The following SLC32A1 variants were observed in gnomAD, a reference collection of about 807,000 sequenced individuals.
SLC32A1 encodes vesicular inhibitory amino acid transporter.
Under a neutral mutation model 35.5 loss-of-function variants are expected in SLC32A1, and 8 were observed. The observed-to-expected ratio is 0.23, with a 90% CI of 0.13 to 0.41. SLC32A1 has a LOEUF of 0.41. SLC32A1 is among the 10% of genes least tolerant of loss of function. SLC32A1 has a pLI of 1.00. For missense variants in SLC32A1, 493 were observed against 722.3 expected (o/e 0.68, Z 3.64); for synonymous variants, 317 against 326.3 (o/e 0.97, Z 0.31).
At position 38,727,342 on chromosome 20, in the gene SLC32A1, G is replaced by A. The variant is rs1047105724; in HGVS notation, c.391-110G>A. ...CCCGGCGGCTCAGACCCAATTCTCA[G>A]TGTCCTTAGCGCCCCCTTCGGGCCA... On this transcript the variant is annotated intron_variant, in intron 1 of 1. Transcript: ENST00000217420. 3 of 1,041,232 alleles carry A rather than the reference G, an allele frequency of 2.9e-6. No individual in the cohort carries two copies. In the African/African-American group the frequency reaches 4.8e-5, roughly 17 times the overall value. 64.5% of individuals were successfully genotyped at this position (1,041,232 alleles called of 1,614,324 possible).
At chr20:38,725,611 C>A (rs900982042) in intron 1 of SLC32A1, among the ~76,000 whole-genome samples, 2 of 152,118 alleles carry the variant, frequency 1.3e-5, no homozygotes, top group African/African-American at 4.8e-5. Context: ...CCCCTTCCCA[C>A]GAACAAAGGC....
intron 1 of SLC32A1, among the ~76,000 whole-genome samples, chr20:38,727,046 C>T (rs768696609): frequency 6.6e-6 from 1 of 152,110 alleles, no homozygotes; most frequent in African/African-American, 2.4e-5. Context: ...TTTCCGACTA[C>T]GCTCCCTTCT....
In SLC32A1 at chr20:38,726,039, C is replaced by A. The variant is rs2084274795; in HGVS notation, c.390+925C>A. On this transcript the variant is annotated intron_variant, in intron 1 of 1. Coordinates refer to ENST00000217420, the MANE Select transcript of SLC32A1 (RefSeq NM_080552.3). This position sits in a 1 kb window ranked among gnomAD's most constrained non-coding sequence, Gnocchi z 4.7. ...ATGGCCCCTGCTCTCTAGGCCCTCT[C>A]CCCTTATTCCTAACCCCCCACTCCC... Among the ~76,000 whole-genome samples the A allele has an allele frequency of 6.6e-6, 1 of 152,196 alleles. No individual in the cohort carries two copies. Among genetic ancestry groups the A allele is most frequent in the Non-Finnish European group, 1.5e-5 (1 of 68,038 alleles).
At position 38,728,876 on chromosome 20, in the gene SLC32A1, A is replaced by T; in HGVS notation, c.*237A>T. 1 of 463,092 alleles carries T rather than the reference A, an allele frequency of 2.2e-6. No individual in the cohort carries two copies. Among genetic ancestry groups the T allele is most frequent in the East Asian group, 3.5e-5 (1 of 28,864 alleles). The allele number at this position is 463,092 out of a possible 1,614,324, so 28.7% of individuals were successfully genotyped here. A position where few individuals can be genotyped will look rare whatever the true frequency, so the allele number is the denominator to read the frequency against. On this transcript the variant is annotated 3_prime_UTR_variant, in exon 2 of 2. Coordinates refer to ENST00000217420, the MANE Select transcript of SLC32A1 (RefSeq NM_080552.3). The stretch of plus-strand genomic sequence containing the variant: ...TCCACAACACCCTGGTTTTGGGGGG[A>T]GGCGGGGTGCATTTGCGGGCAGGGT...
At position 38,724,503 on chromosome 20, in the gene SLC32A1, C is replaced by T. The variant is rs1171579558; in HGVS notation, c.-222C>T. 14 of 502,564 alleles carry T rather than the reference C, an allele frequency of 2.8e-5. No homozygotes were observed. Among genetic ancestry groups the T allele is most frequent in the Middle Eastern group, 5.5e-4 (1 of 1,824 alleles). The allele number at this position is 502,564 out of a possible 1,614,324, so 31.1% of individuals were successfully genotyped here. On this transcript the variant is annotated 5_prime_UTR_variant, in exon 1 of 2. Transcript: ENST00000217420. The stretch of plus-strand genomic sequence containing the variant: ...AGCTCCGCAGTGCACTAGCCACCAC[C>T]GCCGCCGCCGCCGCTCCGCCAGACC...
At chr20:38,727,393 C>A (rs928545741) in intron 1 of SLC32A1, 59 bp from the exon 2 acceptor site, 4 of 1,521,976 alleles carry the variant, frequency 2.6e-6, no homozygotes, top group Non-Finnish European at 2.7e-6. Context: ...CCCCCCGGGC[C>A]CCTCATCCGT....
Position 38,728,818 on chromosome 20 carries a change from C to A in SLC32A1, c.*179C>A. The A allele has an allele frequency of 4.9e-6, 3 of 608,032 alleles. No individual in the cohort carries two copies. 37.7% of individuals were successfully genotyped at this position (608,032 alleles called of 1,614,324 possible). On this transcript the variant is annotated 3_prime_UTR_variant, in exon 2 of 2. Transcript: ENST00000217420. The stretch of plus-strand genomic sequence containing the variant: ...ATGGGAGGGGACAGGGATTCACGAT[C>A]CATCGCGTCTGCGTTTCTGTTGTCC...
In SLC32A1 at chr20:38,727,799, C is replaced by T; in HGVS notation, c.738C>T (p.Ile246=). ...LPVSQKSWSI[I]ATAVLLPCAF... is the part of the protein sequence containing the mutation. Reference sequence around the variant, plus strand: ...TGTCGCAGAAGTCCTGGTCCATTATCGCCACGGCCGTGCTGCTGCCTTGCG... The same window carrying T: ...TGTCGCAGAAGTCCTGGTCCATTATTGCCACGGCCGTGCTGCTGCCTTGCG... The change falls in exon 2 of 2, where the codon ATC becomes ATT. Residue 246 remains isoleucine (I), a synonymous_variant. Coordinates refer to ENST00000217420, the MANE Select transcript of SLC32A1 (RefSeq NM_080552.3). The T allele has an allele frequency of 6.2e-7, 1 of 1,614,198 alleles. No homozygotes were observed. Among genetic ancestry groups the T allele is most frequent in the East Asian group, 2.2e-5 (1 of 44,880 alleles).
At position 38,724,619 on chromosome 20, in the gene SLC32A1, G is replaced by T; in HGVS notation, c.-106G>T. On this transcript the variant is annotated 5_prime_UTR_variant, in exon 1 of 2. Transcript: ENST00000217420. Reference sequence around the variant, plus strand: ...AGAGAGCCCCGGGGCGCCGCGCGGAGAGCAAGCGGAGATAGCGACTTTGCG... The same window carrying T: ...AGAGAGCCCCGGGGCGCCGCGCGGATAGCAAGCGGAGATAGCGACTTTGCG... 7.2e-7 allele frequency: 1 copy of T among 1,389,744 alleles called. No individual in the cohort carries two copies. The highest frequency in any genetic ancestry group is 9.6e-7 in the Non-Finnish European group (1 of 1,042,536). 86.1% of individuals were successfully genotyped at this position (1,389,744 alleles called of 1,614,324 possible). A position where few individuals can be genotyped will look rare whatever the true frequency, so the allele number is the denominator to read the frequency against.
rs1239298595 is a variant in SLC32A1, at chr20:38,726,231, C to G, written c.390+1117C>G. ...GGCCCCGCGGCGTCCCTGGAGCGCA[C>G]TATCACTGGGGCCACGGAAGGCAGG... is the stretch of plus-strand genomic sequence containing the variant. On this transcript the variant is annotated intron_variant, in intron 1 of 1. Transcript: ENST00000217420. This position sits in a 1 kb window ranked among gnomAD's most constrained non-coding sequence, Gnocchi z 4.7. Among the ~76,000 whole-genome samples the G allele has an allele frequency of 6.6e-6, 1 of 152,196 alleles. No individual in the cohort carries two copies. The highest frequency in any genetic ancestry group is 1.5e-5 in the Non-Finnish European group (1 of 68,028).
Position 38,724,995 on chromosome 20 carries a change from G to T in SLC32A1, c.271G>T (p.Ala91Ser). Residue 91 changes from alanine (A) to serine (S), a missense_variant, in exon 1 of 2, where the codon GCT becomes TCT. Ala to Ser is a moderately conservative substitution (Grantham distance 99). Around this residue, in one of 4 missense-constraint regions of SLC32A1, gnomAD observed 133 missense variants for 145.9 expected, o/e 0.91. Coordinates refer to ENST00000217420, the MANE Select transcript of SLC32A1 (RefSeq NM_080552.3). ...GDIHYQRGSG[A>S]PLPPSGSKDQ... ...CATCCATTATCAGCGAGGCAGCGGAGCTCCTCTGCCGCCCTCCGGCTCCAA... is the reference window on the plus strand; with the variant it reads ...CATCCATTATCAGCGAGGCAGCGGATCTCCTCTGCCGCCCTCCGGCTCCAA... The T allele has an allele frequency of 2.5e-6, 4 of 1,584,086 alleles. No homozygotes were observed. Among genetic ancestry groups the T allele is most frequent in the Non-Finnish European group, 2.6e-6 (3 of 1,164,670 alleles).
Position 38,728,360 on chromosome 20 carries a change from G to A in SLC32A1, c.1299G>A (p.Leu433=), listed in dbSNP as rs1310121186. The change falls in exon 2 of 2, where the codon CTG becomes CTA. Residue 433 remains leucine (L), a synonymous_variant. Transcript: ENST00000217420. ...ACGGGCGCCTGAAGTCCTGGGGGCT[G>A]ACGCTGCGCTGCGCGCTCGTCGTCT... ...SGDGRLKSWG[L]TLRCALVVFT... is the part of the protein sequence containing the mutation. 2 of 1,611,984 alleles carry A rather than the reference G, an allele frequency of 1.2e-6. No homozygotes were observed.
At position 38,728,657 on chromosome 20, in the gene SLC32A1, C is replaced by T. The variant is rs41304659; in HGVS notation, c.*18C>T. ...AGGACTAGGGCGCAAGGGCGAGCCC[C>T]CGCCGCGCTTCTGCGCTCTCTCCCT... is the stretch of plus-strand genomic sequence containing the variant. On this transcript the variant is annotated 3_prime_UTR_variant, in exon 2 of 2. Transcript: ENST00000217420. 1.3e-3 allele frequency: 2,064 copies of T among 1,569,594 alleles called. 1 individual carries two copies. The highest frequency in any genetic ancestry group is 1.7e-3 in the Non-Finnish European group (1,942 of 1,157,156).
chr20:38,727,845 G>A lies in SLC32A1; in HGVS notation c.784G>A (p.Ala262Thr), dbSNP rs750507253. 6.2e-7 allele frequency: 1 copy of A among 1,614,216 alleles called. No individual in the cohort carries two copies. Among genetic ancestry groups the A allele is most frequent in the Non-Finnish European group, 8.5e-7 (1 of 1,180,042 alleles). ...TTGCGCCTTCCTTAAGAACCTCAAGGCCGTGTCCAAGTTCAGTCTGCTGTG... is the reference window on the plus strand; with the variant it reads ...TTGCGCCTTCCTTAAGAACCTCAAGACCGTGTCCAAGTTCAGTCTGCTGTG... ...LPCAFLKNLK[A>T]VSKFSLLCTL... Residue 262 changes from alanine (A) to threonine (T), a missense_variant, in exon 2 of 2, where the codon GCC (alanine) becomes ACC (threonine). Coordinates refer to ENST00000217420, the MANE Select transcript of SLC32A1 (RefSeq NM_080552.3).
In SLC32A1 at chr20:38,726,479, G is replaced by A. The variant is rs1661167285; in HGVS notation, c.391-973G>A. ...GCTCCGTTTGATAGGCCCCAAGGGA[G>A]GCCAGGGCAGGAGGCTGGAGGCTCG... On this transcript the variant is annotated intron_variant, in intron 1 of 1. Coordinates refer to ENST00000217420, the MANE Select transcript of SLC32A1 (RefSeq NM_080552.3). This position sits in a 1 kb window ranked among gnomAD's most constrained non-coding sequence, Gnocchi z 4.7. Among the ~76,000 whole-genome samples, 1 of 152,186 alleles carries A rather than the reference G, an allele frequency of 6.6e-6. No individual in the cohort carries two copies. Among genetic ancestry groups the A allele is most frequent in the African/African-American group, 2.4e-5 (1 of 41,460 alleles).
chr20:38,727,764 G>T lies in SLC32A1; in HGVS notation c.703G>T (p.Gly235Trp). Residue 235 changes from glycine to tryptophan, a missense_variant, in exon 2 of 2, where the codon GGG (glycine) becomes TGG (tryptophan). Physicochemically the swap from Gly to Trp is radical, Grantham distance 184. Transcript: ENST00000217420. ...SGNLMYNSFP[G>W]LPVSQKSWSI... Reference sequence around the variant, plus strand: ...CAACCTCATGTACAACAGCTTCCCGGGGCTGCCCGTGTCGCAGAAGTCCTG... The same window carrying T: ...CAACCTCATGTACAACAGCTTCCCGTGGCTGCCCGTGTCGCAGAAGTCCTG... 6.2e-7 allele frequency: 1 copy of T among 1,614,198 alleles called. No homozygotes were observed. The highest frequency in any genetic ancestry group is 8.5e-7 in the Non-Finnish European group (1 of 1,180,040).
intron 1 of SLC32A1, among the ~76,000 whole-genome samples, chr20:38,725,645 G>A (rs1220617339): frequency 6.6e-6 from 1 of 152,044 alleles, no homozygotes; most frequent in African/African-American, 2.4e-5. Context: ...CACACGACAT[G>A]TATCTATATA....
rs1601183251 is a variant in SLC32A1 at position 38,728,884 on chromosome 20, T to G, written c.*245T>G. On this transcript the variant is annotated 3_prime_UTR_variant, in exon 2 of 2. Coordinates refer to ENST00000217420, the MANE Select transcript of SLC32A1 (RefSeq NM_080552.3). The stretch of plus-strand genomic sequence containing the variant: ...ACCCTGGTTTTGGGGGGAGGCGGGG[T>G]GCATTTGCGGGCAGGGTTCTCTGTC... 2.0e-6 allele frequency: 1 copy of G among 490,954 alleles called. No homozygotes were observed. The highest frequency in any genetic ancestry group is 3.6e-6 in the Non-Finnish European group (1 of 280,628). 30.4% of individuals were successfully genotyped at this position (490,954 alleles called of 1,614,324 possible).
Position 38,728,457 on chromosome 20 carries a change from G to A in SLC32A1, c.1396G>A (p.Ala466Thr). 6.2e-7 allele frequency: 1 copy of A among 1,612,324 alleles called. No homozygotes were observed. Among genetic ancestry groups the A allele is most frequent in the Non-Finnish European group, 8.5e-7 (1 of 1,179,702 alleles). Residue 466 changes from alanine to threonine, a missense_variant, in exon 2 of 2, where the codon GCC becomes ACC. Physicochemically the swap from Ala to Thr is moderately conservative, Grantham distance 58 (BLOSUM62 0). This residue lies in a region of SLC32A1 where 269 missense variants were observed against 445.6 expected (regional missense o/e 0.60). Coordinates refer to ENST00000217420, the MANE Select transcript of SLC32A1 (RefSeq NM_080552.3). ...LMGLTGSLTG[A>T]GLCFLLPSLF... ...GGGCCTCACCGGCAGCCTCACGGGC[G>A]CCGGCCTCTGTTTCTTGCTGCCCAG...
Sources: gnomAD v4.1 joint callset for allele counts (sites outside exome capture counted in the v4.1 genomes callset) on GRCh38, gnomAD v4.1.1 for gene constraint, gnomAD v4.1.1 regional missense constraint, Gnocchi (gnomAD v3.1) non-coding constraint, MANE v1.5 for transcripts, NCBI Gene and HGNC (gene_info 2026-07-23, HGNC 2026-07-21) for gene names.